Variants in PPP1R2 observed in about 807,000 individuals in gnomAD.
PPP1R2 encodes protein phosphatase 1 regulatory inhibitor subunit 2, also known as protein phosphatase inhibitor 2.
PPP1R2 carries 16 observed loss-of-function variants against 29.9 expected under a neutral mutation model. That is an observed-to-expected ratio of 0.53 (90% CI 0.36 to 0.81). The LOEUF (loss-of-function observed/expected upper bound fraction) is 0.81, where lower values mean the gene tolerates loss of function less well. PPP1R2 is among the 30% of genes least tolerant of loss of function. The pLI is 0.00. For missense variants in PPP1R2, 197 were observed against 252.7 expected (o/e 0.78, Z 1.49); for synonymous variants, 76 against 91.5 (o/e 0.83, Z 0.96).
chr3:195,531,015 G>T (rs1292126051), intron 1 of PPP1R2, among the ~76,000 whole-genome samples: 1 of 151,440 alleles, frequency 6.6e-6, no homozygotes, highest in Non-Finnish European at 1.5e-5. Flanking sequence ...TAGAGACGGG[G>T]TTTCACCATG....
intron 4 of PPP1R2, among the ~76,000 whole-genome samples, chr3:195,521,853 G>A (rs1718775487): frequency 6.6e-6 from 1 of 152,060 alleles, no homozygotes; most frequent in African/African-American, 2.4e-5. Flanking sequence ...GTTTCGCCAT[G>A]TTGGCCAGGC....
chr3:195,543,072 G>A lies in PPP1R2; in HGVS notation c.-47C>T. 1 of 1,572,636 alleles carries A rather than the reference G, an allele frequency of 6.4e-7. No homozygotes were observed. Among genetic ancestry groups the A allele is most frequent in the South Asian group, 1.2e-5 (1 of 86,122 alleles). On this transcript the variant is annotated 5_prime_UTR_variant, in exon 1 of 6. Coordinates refer to ENST00000618156, the MANE Select transcript of PPP1R2 (RefSeq NM_006241.8). ...GCTCAGGGTCGCTGCTTGGCGTGGG[G>A]TCCGCGAAGAGAAGGGTCGGCACAG...
At chr3:195,542,675 T>C (rs1246820210) in intron 1 of PPP1R2, among the ~76,000 whole-genome samples, 1 of 151,974 alleles carries the variant, frequency 6.6e-6, no homozygotes, top group Non-Finnish European at 1.5e-5. Flanking sequence ...AAAGATGATG[T>C]TTAAAAATAT....
Position 195,533,525 on chromosome 3 carries a change from T to C in PPP1R2, c.123-3624A>G, listed in dbSNP as rs535033993. ...CCATGGGAGTCATACAAAATGCCAC[T>C]AGAGATGCTGGAAGCATTCCCAAGA... On this transcript the variant is annotated intron_variant, in intron 1 of 5. Transcript: ENST00000618156. Among the ~76,000 whole-genome samples, 3 of 152,312 alleles carry C rather than the reference T, an allele frequency of 2.0e-5. No homozygotes were observed. In the South Asian group the frequency reaches 6.2e-4, roughly 32 times the overall value.
At position 195,528,700 on chromosome 3, in the gene PPP1R2, C is replaced by CTTTTTTTTTTTTTTTT. The variant is rs767313014; in HGVS notation, c.230+1093_230+1094insAAAAAAAAAAAAAAAA. ...TCAATACAAGGTAGGTAGGGCATAA[C>CTTTTTTTTTTTTTTTT]TATTTTTTTTTTTTTTTTTTTTTTT... On this transcript the variant is annotated intron_variant, in intron 2 of 5. Coordinates refer to ENST00000618156, the MANE Select transcript of PPP1R2 (RefSeq NM_006241.8). The CTTTTTTTTTTTTTTTT allele has an allele frequency of 2.0e-4, 15 of 76,642 alleles. 1 individual carries two copies. Among genetic ancestry groups the CTTTTTTTTTTTTTTTT allele is most frequent in the East Asian group, 1.9e-3 (3 of 1,560 alleles). 4.7% of individuals were successfully genotyped at this position (76,642 alleles called of 1,614,324 possible). A position where few individuals can be genotyped will look rare whatever the true frequency, so the allele number is the denominator to read the frequency against.
chr3:195,542,841 T>C, intron 1 of PPP1R2, 63 bp downstream of exon 1: 1 of 1,521,040 alleles, frequency 6.6e-7, no homozygotes, highest in Non-Finnish European at 8.8e-7. Context: ...GCCCCTGGGG[T>C]CTGGGTAGGT....
rs567165411 is a variant in PPP1R2, at chr3:195,521,239, T to G, written c.404-2054A>C. On this transcript the variant is annotated intron_variant, in intron 4 of 5. Transcript: ENST00000618156. Reference sequence around the variant, plus strand: ...CTGAGGCAGGAGAATCACTTGAACCTGGGAGGTGGAGGTTGCAGTGAGCGA... The same window carrying G: ...CTGAGGCAGGAGAATCACTTGAACCGGGGAGGTGGAGGTTGCAGTGAGCGA... Among the ~76,000 whole-genome samples the G allele has an allele frequency of 7.1e-5, 9 of 126,894 alleles. No individual in the cohort carries two copies. In the East Asian group the frequency reaches 2.3e-3, roughly 33 times the overall value. 83.2% of individuals were successfully genotyped at this position (126,894 alleles called of 152,430 possible). A position where few individuals can be genotyped will look rare whatever the true frequency, so the allele number is the denominator to read the frequency against.
chr3:195,527,311 G>A lies in PPP1R2; in HGVS notation c.231-2415C>T, dbSNP rs971435675. On this transcript the variant is annotated intron_variant, in intron 2 of 5. Coordinates refer to ENST00000618156, the MANE Select transcript of PPP1R2 (RefSeq NM_006241.8). ...CTAAAAATACAAAAACTAGCCAGGC[G>A]TGGTAGTGGGTGCCTGTAATCCCAG... 7.2e-5 allele frequency among the ~76,000 whole-genome samples: 11 copies of A among 151,934 alleles called. No individual in the cohort carries two copies. In the East Asian group the frequency reaches 1.8e-3, roughly 24 times the overall value.
In PPP1R2 at chr3:195,529,798, G is replaced by A; in HGVS notation, c.226C>T (p.His76Tyr). The change falls in exon 2 of 6, where the codon CAT becomes TAT. Residue 76 changes from histidine to tyrosine, a missense_variant. His to Tyr is a moderately conservative substitution (Grantham distance 83). Around this residue, in one of 3 missense-constraint regions of PPP1R2, gnomAD observed 135 missense variants for 163.0 expected, o/e 0.83. Transcript: ENST00000618156. Reference sequence around the variant, plus strand: ...ATGACGTCTACGTAACATTACCTATGGTAAGGAGTGCTTGGTTCATCTATT... The same window carrying A: ...ATGACGTCTACGTAACATTACCTATAGTAAGGAGTGCTTGGTTCATCTATT... ...MKIDEPSTPY[H>Y]SMMGDDEDAC... 6.3e-7 allele frequency: 1 copy of A among 1,588,436 alleles called. No individual in the cohort carries two copies. Among genetic ancestry groups the A allele is most frequent in the Non-Finnish European group, 8.6e-7 (1 of 1,166,244 alleles).
At chr3:195,525,042 G>C in intron 2 of PPP1R2, 146 bp from the exon 3 acceptor site, 2 of 645,268 alleles carry the variant, frequency 3.1e-6, no homozygotes, top group Admixed American at 5.7e-5. Flanking sequence ...ACTTTATATA[G>C]TTCCTATTCA....
chr3:195,517,051 C>G, intron 5 of PPP1R2, 109 bp from the exon 6 acceptor site: 1 of 846,360 alleles, frequency 1.2e-6, no homozygotes, highest in South Asian at 1.5e-5. Context: ...ATTTTAAAAA[C>G]AAATAAGGTA....
chr3:195,517,129 C>T (rs1212405073), intron 5 of PPP1R2, among the ~76,000 whole-genome samples, 187 bp from the exon 6 acceptor site: 1 of 152,044 alleles, frequency 6.6e-6, no homozygotes, highest in Non-Finnish European at 1.5e-5. Context: ...GTCTAAAGAA[C>T]AGAAGTGTCT....
chr3:195,530,359 A>C (rs2686435), intron 1 of PPP1R2, among the ~76,000 whole-genome samples: 121,888 of 151,618 alleles, frequency 0.8, 49,243 homozygotes, highest in East Asian at 0.99. Context: ...AGATTCAAAC[A>C]ATAAAACTAT....
chr3:195,533,947 T>C (rs978534474), intron 1 of PPP1R2, among the ~76,000 whole-genome samples: 1 of 152,158 alleles, frequency 6.6e-6, no homozygotes, highest in African/African-American at 2.4e-5. Context: ...GCTTTAAAAT[T>C]ACAAGATAAC....
At chr3:195,542,273 C>A (rs140198941) in intron 1 of PPP1R2, among the ~76,000 whole-genome samples, 1 of 152,228 alleles carries the variant, frequency 6.6e-6, no homozygotes, top group East Asian at 1.9e-4. Context: ...ACATACAATG[C>A]TCAGGTCAAC....
At chr3:195,534,196 C>T (rs930241890) in intron 1 of PPP1R2, among the ~76,000 whole-genome samples, 1 of 151,980 alleles carries the variant, frequency 6.6e-6, no homozygotes, top group Admixed American at 6.6e-5. Flanking sequence ...ACACACACAC[C>T]TGCAGTCCCA....
intron 1 of PPP1R2, 144 bp downstream of exon 1, chr3:195,542,760 T>A (rs1333019351): frequency 4.2e-6 from 4 of 962,966 alleles, no homozygotes; most frequent in Non-Finnish European, 4.3e-6. Context: ...TAAAGATCGC[T>A]CCCACCCGCG....
chr3:195,531,202 G>A (rs999325364), intron 1 of PPP1R2, among the ~76,000 whole-genome samples: 5 of 152,156 alleles, frequency 3.3e-5, no homozygotes, highest in African/African-American at 1.2e-4. Context: ...ATAATTAAAT[G>A]CTTTCATTTT....
chr3:195,522,944 A>T (rs1718822062), intron 4 of PPP1R2: 1 of 152,140 alleles, frequency 6.6e-6, no homozygotes, highest in African/African-American at 2.4e-5. Flanking sequence ...TCTACCCACA[A>T]GCTTGGATTT....
Sources: gnomAD v4.1 joint callset for allele counts (sites outside exome capture counted in the v4.1 genomes callset) on GRCh38, gnomAD v4.1.1 for gene constraint, gnomAD v4.1.1 regional missense constraint, MANE v1.5 for transcripts, NCBI Gene and HGNC (gene_info 2026-07-23, HGNC 2026-07-21) for gene names.